Variants in CSNK1G1 observed in about 807,000 individuals in gnomAD.
CSNK1G1 encodes the protein casein kinase I isoform gamma-1.
A neutral mutation model predicts 59.6 loss-of-function variants in CSNK1G1; 22 were observed. The ratio of observed to expected loss-of-function variants is 0.37; its 90% CI spans 0.26 to 0.53. The LOEUF (loss-of-function observed/expected upper bound fraction) is 0.53, where lower values mean the gene tolerates loss of function less well. Among genes scored for constraint, CSNK1G1 ranks in the 20% least tolerant of loss-of-function variants. The pLI, the probability that CSNK1G1 is intolerant of heterozygous loss-of-function variation, is 0.89. For missense variants in CSNK1G1, 384 were observed against 519.5 expected (o/e 0.74, Z 2.54); for synonymous variants, 179 against 177.1 (o/e 1.01, Z -0.08).
intron 1 of CSNK1G1, among the ~76,000 whole-genome samples, chr15:64,320,359 T>C (rs2140437925): frequency 6.6e-6 from 1 of 152,216 alleles, no homozygotes; most frequent in African/African-American, 2.4e-5. Context: ...GGTACAGCTA[T>C]TTCTGCTCCT....
intron 1 of CSNK1G1, among the ~76,000 whole-genome samples, chr15:64,332,779 G>C (rs954039636): frequency 2.6e-5 from 4 of 150,992 alleles, no homozygotes; most frequent in Middle Eastern, 3.4e-3. Flanking sequence ...AATTTTTCTT[G>C]CTCATATAAG....
intron 1 of CSNK1G1, among the ~76,000 whole-genome samples, chr15:64,303,729 G>A (rs953776445): frequency 6.8e-5 from 10 of 146,914 alleles, no homozygotes; most frequent in East Asian, 4.2e-4. Context: ...CAGCCTGGGC[G>A]ACAAGAGCAA....
chr15:64,319,702 G>T (rs1470734376), intron 1 of CSNK1G1, among the ~76,000 whole-genome samples: 1 of 151,660 alleles, frequency 6.6e-6, no homozygotes, highest in Non-Finnish European at 1.5e-5. Context: ...ATGCCGCCAT[G>T]CCCGGCTAAT....
chr15:64,181,534 A>G lies in CSNK1G1; in HGVS notation c.1108-1080T>C, dbSNP rs542263180. On this transcript the variant is annotated intron_variant, in intron 10 of 11. Coordinates refer to ENST00000303052, the MANE Select transcript of CSNK1G1 (RefSeq NM_022048.5). ...TGAGATTGTTTCTTATAGGTTGATG[A>G]GAGAATTATACAAGAAAATGTATGA... is the stretch of plus-strand genomic sequence containing the variant. The G allele has an allele frequency of 1.7e-5, 18 of 1,069,794 alleles. No individual in the cohort carries two copies. In the South Asian group the frequency reaches 2.9e-4, roughly 17 times the overall value. The allele number at this position is 1,069,794 out of a possible 1,614,324, so 66.3% of individuals were successfully genotyped here.
chr15:64,218,577 C>G (rs2082343312), intron 4 of CSNK1G1, among the ~76,000 whole-genome samples: 1 of 151,686 alleles, frequency 6.6e-6, no homozygotes, highest in Admixed American at 6.6e-5. Context: ...TTTGGAGAGA[C>G]AGGGTTTTGC....
At chr15:64,253,253 G>A (rs1892188166) in intron 3 of CSNK1G1, among the ~76,000 whole-genome samples, 1 of 152,162 alleles carries the variant, frequency 6.6e-6, no homozygotes, top group Non-Finnish European at 1.5e-5. Flanking sequence ...GATGAGGTGG[G>A]AGGATTGCTT....
chr15:64,233,624 C>T (rs563327772), intron 4 of CSNK1G1, among the ~76,000 whole-genome samples: 16 of 152,236 alleles, frequency 1.1e-4, no homozygotes, highest in Non-Finnish European at 1.8e-4. Flanking sequence ...TAAAACTTTA[C>T]GGAAATTACA....
At chr15:64,237,141 G>T (rs987661252) in intron 4 of CSNK1G1, among the ~76,000 whole-genome samples, 1 of 152,144 alleles carries the variant, frequency 6.6e-6, no homozygotes, top group African/African-American at 2.4e-5. Context: ...GTGGGAGGGG[G>T]AAGGAAGATG....
At chr15:64,272,454 T>A (rs928026593) in intron 2 of CSNK1G1, among the ~76,000 whole-genome samples, 1 of 152,034 alleles carries the variant, frequency 6.6e-6, no homozygotes, top group African/African-American at 2.4e-5. Flanking sequence ...CCTGACCTTG[T>A]GATCCGCCCA....
rs1011165741 is a variant in CSNK1G1 at position 64,350,552 on chromosome 15, T to C, written c.-225+5436A>G. 2.6e-5 allele frequency among the ~76,000 whole-genome samples: 4 copies of C among 152,074 alleles called. No individual in the cohort carries two copies. The South Asian group carries it at 6.2e-4, about 24-fold the overall frequency. On this transcript the variant is annotated intron_variant, in intron 1 of 11. Transcript: ENST00000303052. ...TGAACAGTGAGAATTAAAAGATGCA[T>C]GAAGTTACCATTCATATAGTTTGAA...
intron 10 of CSNK1G1, among the ~76,000 whole-genome samples, chr15:64,184,055 G>A (rs939780711): frequency 4.6e-5 from 7 of 152,072 alleles, no homozygotes; most frequent in African/African-American, 1.2e-4. Flanking sequence ...TGTAATCCCA[G>A]CATTTTGGGA....
intron 1 of CSNK1G1, among the ~76,000 whole-genome samples, chr15:64,332,641 AT>A (rs1354209437): frequency 6.6e-6 from 1 of 151,164 alleles, no homozygotes; most frequent in African/African-American, 2.4e-5. Flanking sequence ...AACCTGCAAA[AT>A]GTGCACATGT....
In CSNK1G1 at chr15:64,214,432, G is replaced by A. The variant is rs539503892; in HGVS notation, c.445-308C>T. Among the ~76,000 whole-genome samples the A allele has an allele frequency of 8.5e-5, 13 of 152,116 alleles. No homozygotes were observed. The highest frequency in any genetic ancestry group is 1.4e-4 in the African/African-American group (6 of 41,410). ...ATGAAATCAGTTGTTTATATGCTAC[G>A]TCAGAAAATTAAGCATTTGAGACAA... On this transcript the variant is annotated intron_variant, in intron 5 of 11. Transcript: ENST00000303052. This position sits in a 1 kb window ranked among gnomAD's most constrained non-coding sequence, Gnocchi z 4.3.
chr15:64,275,204 A>G (rs553763600), intron 2 of CSNK1G1, among the ~76,000 whole-genome samples: 1 of 152,046 alleles, frequency 6.6e-6, no homozygotes, highest in South Asian at 2.1e-4. Context: ...ACCACACCCA[A>G]CCAACTTTTG....
At chr15:64,292,961 C>T (rs925799217) in intron 2 of CSNK1G1, among the ~76,000 whole-genome samples, 1 of 152,068 alleles carries the variant, frequency 6.6e-6, no homozygotes, top group South Asian at 2.1e-4. Context: ...CATCTATCTA[C>T]TTATTCTTGC....
intron 1 of CSNK1G1, among the ~76,000 whole-genome samples, chr15:64,353,885 G>A (rs1048621938): frequency 4.6e-5 from 7 of 152,050 alleles, no homozygotes; most frequent in African/African-American, 4.8e-5. Flanking sequence ...TTTCTATATC[G>A]TAATAAGGAA....
intron 10 of CSNK1G1, among the ~76,000 whole-genome samples, chr15:64,201,794 A>G (rs539747613): frequency 3.3e-5 from 5 of 151,652 alleles, no homozygotes; most frequent in Admixed American, 6.6e-5. Context: ...ATGTGCATCT[A>G]TGAAATAAAT....
At chr15:64,181,151 T>C (rs2081808040) in intron 10 of CSNK1G1, 2 of 1,483,432 alleles carry the variant, frequency 1.3e-6, no homozygotes, top group East Asian at 5.0e-5. Context: ...GGGAAGATGG[T>C]AAAAAAACAC....
chr15:64,352,870 C>CTTGA (rs1898392890), intron 1 of CSNK1G1, among the ~76,000 whole-genome samples: 1 of 151,898 alleles, frequency 6.6e-6, no homozygotes, highest in Non-Finnish European at 1.5e-5. Flanking sequence ...TGGCGGATCA[C>CTTGA]TTGAGGTCAG....
Sources: allele counts gnomAD v4.1 joint callset (sites outside exome capture counted in the v4.1 genomes callset), GRCh38; gene constraint gnomAD v4.1.1; non-coding constraint Gnocchi (gnomAD v3.1); transcripts MANE v1.5; gene names NCBI Gene and HGNC (gene_info 2026-07-23, HGNC 2026-07-21).